FZD3: variants seen among roughly 807,000 people sequenced by gnomAD.
FZD3 encodes the protein frizzled-3.
In FZD3, 30 loss-of-function variants were observed where a neutral mutation model predicts 60.7. That is an observed-to-expected ratio of 0.49 (90% CI 0.37 to 0.67). The LOEUF is 0.67. Ranked by LOEUF, FZD3 falls within the 30% of genes least tolerant of loss-of-function variation. The pLI is 0.00. For missense variants in FZD3, 605 were observed against 838.7 expected (o/e 0.72, Z 3.44); for synonymous variants, 246 against 275.2 (o/e 0.89, Z 1.05).
chr8:28,507,049 C>G (rs191575107), intron 3 of FZD3, among the ~76,000 whole-genome samples: 5 of 152,020 alleles, frequency 3.3e-5, no homozygotes, highest in African/African-American at 4.8e-5. Context: ...TATATACCTC[C>G]GAAAAGTAAG....
rs1804767515 is a variant in FZD3, at chr8:28,528,137, A to G, written c.1377A>G (p.Arg459=). ...WETTWIQERC[R]EYHIPCPYQV... ...CAACGTGGATACAAGAACGCTGCAGAGAATATCACATTCCATGTCCATATC... is the reference window on the plus strand; with the variant it reads ...CAACGTGGATACAAGAACGCTGCAGGGAATATCACATTCCATGTCCATATC... Residue 459 remains arginine, a synonymous_variant, in exon 5 of 8, where the codon AGA becomes AGG. Transcript: ENST00000240093. 1 of 1,613,146 alleles carries G rather than the reference A, an allele frequency of 6.2e-7. No homozygotes were observed.
intron 5 of FZD3, among the ~76,000 whole-genome samples, chr8:28,536,780 T>A (rs1239779539): frequency 1.3e-5 from 2 of 152,176 alleles, no homozygotes; most frequent in Non-Finnish European, 2.9e-5. Context: ...AGGCATCCCA[T>A]CTGTTGTTTT....
In FZD3 at chr8:28,555,178, C is replaced by G. The variant is rs892488013; in HGVS notation, c.1554-560C>G. On this transcript the variant is annotated intron_variant, in intron 6 of 7. Transcript: ENST00000240093. ...CTAATTATGACTGCTCATGTTTATT[C>G]CAGCACTAGACAACTGCTTCTGCAT... Among the ~76,000 whole-genome samples, 9 of 152,020 alleles carry G rather than the reference C, an allele frequency of 5.9e-5. 1 individual carries two copies. The South Asian group carries it at 1.7e-3, about 28-fold the overall frequency.
intron 7 of FZD3, among the ~76,000 whole-genome samples, chr8:28,558,477 C>G (rs1387554654): frequency 6.6e-6 from 1 of 151,516 alleles, no homozygotes; most frequent in Non-Finnish European, 1.5e-5. Context: ...GTTGCCCAGG[C>G]TGGAGTGCAG....
chr8:28,502,094 G>A (rs6997072), intron 2 of FZD3, among the ~76,000 whole-genome samples: 78,831 of 151,836 alleles, frequency 0.52, 21,198 homozygotes, highest in South Asian at 0.63. Context: ...TGTGAGCTAG[G>A]TGGTATTGGA....
chr8:28,563,260 T>C lies in FZD3; in HGVS notation c.*249T>C, dbSNP rs1468653369. ...TTCTAGGTTATGAAGAGATAATTAT[T>C]TGTCTGGTAAGCATTTTTATAAACC... On this transcript the variant is annotated 3_prime_UTR_variant, in exon 8 of 8. Coordinates refer to ENST00000240093, the MANE Select transcript of FZD3 (RefSeq NM_017412.4). 9 of 439,348 alleles carry C rather than the reference T, an allele frequency of 2.0e-5. No individual in the cohort carries two copies. The highest frequency in any genetic ancestry group is 1.6e-4 in the African/African-American group (8 of 50,440). The allele number at this position is 439,348 out of a possible 1,614,324, so 27.2% of individuals were successfully genotyped here.
At chr8:28,501,381 A>G (rs1032509169) in intron 2 of FZD3, among the ~76,000 whole-genome samples, 1 of 152,236 alleles carries the variant, frequency 6.6e-6, no homozygotes, top group Admixed American at 6.5e-5. Context: ...CACAGAGGAC[A>G]GTTTCTTTCC....
intron 1 of FZD3, among the ~76,000 whole-genome samples, chr8:28,498,659 C>T (rs906896910): frequency 6.6e-6 from 1 of 152,210 alleles, no homozygotes; most frequent in African/African-American, 2.4e-5. Context: ...CTCACCGCAA[C>T]CTCCACCTCT....
At position 28,570,972 on chromosome 8, in the gene FZD3, C is replaced by T. The variant is rs1805797227; in HGVS notation, c.*7961C>T. 6.6e-6 allele frequency: 1 copy of T among 151,274 alleles called. No individual in the cohort carries two copies. Among genetic ancestry groups the T allele is most frequent in the African/African-American group, 2.4e-5 (1 of 41,176 alleles). 9.4% of individuals were successfully genotyped at this position (151,274 alleles called of 1,614,324 possible). A position where few individuals can be genotyped will look rare whatever the true frequency, so the allele number is the denominator to read the frequency against. ...TGGCTTTCAGAAATTATATTAGATG[C>T]CCAGCCTTTCTCATTCAGAGATGCC... On this transcript the variant is annotated 3_prime_UTR_variant, in exon 8 of 8. Transcript: ENST00000240093.
intron 3 of FZD3, among the ~76,000 whole-genome samples, chr8:28,517,165 G>A (rs1403748422): frequency 6.6e-6 from 1 of 151,690 alleles, no homozygotes; most frequent in South Asian, 2.1e-4. Flanking sequence ...TTCTTTTTTT[G>A]TCTATCTAAA....
At position 28,568,642 on chromosome 8, in the gene FZD3, A is replaced by G. The variant is rs904795662; in HGVS notation, c.*5631A>G. On this transcript the variant is annotated 3_prime_UTR_variant, in exon 8 of 8. Coordinates refer to ENST00000240093, the MANE Select transcript of FZD3 (RefSeq NM_017412.4). Reference sequence around the variant, plus strand: ...AATATATAAAGATTTAATATGAGTTAAACATGTTTCTTATTCTGTGATCTC... The same window carrying G: ...AATATATAAAGATTTAATATGAGTTGAACATGTTTCTTATTCTGTGATCTC... 3.9e-5 allele frequency: 6 copies of G among 152,156 alleles called. No individual in the cohort carries two copies. The highest frequency in any genetic ancestry group is 8.8e-5 in the Non-Finnish European group (6 of 67,998). 9.4% of individuals were successfully genotyped at this position (152,156 alleles called of 1,614,324 possible).
intron 3 of FZD3, among the ~76,000 whole-genome samples, chr8:28,519,488 G>A (rs1237645799): frequency 9.2e-5 from 14 of 152,190 alleles, no homozygotes; most frequent in Admixed American, 7.9e-4. Flanking sequence ...CCAGCACTTT[G>A]GAAGGCTGAG....
chr8:28,502,293 C>G (rs770646066), intron 2 of FZD3, among the ~76,000 whole-genome samples: 1 of 151,814 alleles, frequency 6.6e-6, no homozygotes, highest in Non-Finnish European at 1.5e-5. Context: ...AATTTTAGTT[C>G]AATAATTTAG....
chr8:28,495,377 A>G (rs1803817176), intron 1 of FZD3, among the ~76,000 whole-genome samples: 1 of 152,220 alleles, frequency 6.6e-6, no homozygotes, highest in Non-Finnish European at 1.5e-5. Context: ...GAGTAGCCGC[A>G]TCAGTGACTG....
In FZD3 at chr8:28,519,240, T is replaced by C. The variant is rs116218259; in HGVS notation, c.190-1398T>C. Among the ~76,000 whole-genome samples, 1,380 of 152,298 alleles carry C rather than the reference T, an allele frequency of 9.1e-3. 8 individuals are homozygous for C. The highest frequency in any genetic ancestry group is 0.02 in the African/African-American group (822 of 41,552). ...TCAAAATCAGCAATGACTCAAACTA[T>C]TATATAAATAAATGCAAAAAATATT... On this transcript the variant is annotated intron_variant, in intron 3 of 7. Coordinates refer to ENST00000240093, the MANE Select transcript of FZD3 (RefSeq NM_017412.4).
chr8:28,557,224 AAAG>A lies in FZD3; in HGVS notation c.1787+1262_1787+1264del, dbSNP rs5890424. On this transcript the variant is annotated intron_variant, in intron 7 of 7. Coordinates refer to ENST00000240093, the MANE Select transcript of FZD3 (RefSeq NM_017412.4). Reference sequence around the variant, plus strand: ...AACTCTGTCTCAAAAAAAAAAAAAAAAAGAAGAAGAAATGATAGAGATTGGTAA... The same window carrying A: ...AACTCTGTCTCAAAAAAAAAAAAAAAAAGAAGAAATGATAGAGATTGGTAA... Among the ~76,000 whole-genome samples the A allele has an allele frequency of 6.7e-4, 90 of 133,942 alleles. No individual in the cohort carries two copies. The South Asian group carries it at 8.3e-3, about 12-fold the overall frequency. The allele number at this position is 133,942 out of a possible 152,430, so 87.9% of individuals were successfully genotyped here.
intron 5 of FZD3, among the ~76,000 whole-genome samples, chr8:28,550,858 G>A (rs776889517): frequency 6.6e-6 from 1 of 151,996 alleles, no homozygotes; most frequent in Non-Finnish European, 1.5e-5. Context: ...TTTCTAATTA[G>A]TCATTATTCT....
intron 5 of FZD3, among the ~76,000 whole-genome samples, chr8:28,531,259 A>G (rs1488704308): frequency 1.3e-5 from 2 of 152,134 alleles, no homozygotes; most frequent in Middle Eastern, 3.2e-3. Flanking sequence ...TTAAAAATGT[A>G]TATATGTGAG....
intron 5 of FZD3, among the ~76,000 whole-genome samples, chr8:28,533,214 C>A (rs535520432): frequency 7.2e-6 from 1 of 138,862 alleles, no homozygotes; most frequent in Non-Finnish European, 1.6e-5. Flanking sequence ...TTTTTTTTTT[C>A]TTTTAGTAGA....
Sources: allele counts gnomAD v4.1 joint callset (sites outside exome capture counted in the v4.1 genomes callset), GRCh38; gene constraint gnomAD v4.1.1; transcripts MANE v1.5; gene names NCBI Gene and HGNC (gene_info 2026-07-23, HGNC 2026-07-21).